C8B: variants seen among roughly 807,000 people sequenced by gnomAD.
C8B encodes the protein complement C8 beta chain.
Under a neutral mutation model 64.6 loss-of-function variants are expected in C8B, and 67 were observed. That is an observed-to-expected ratio of 1.04 (90% confidence interval 0.85 to 1.27). C8B has a LOEUF of 1.27. Among genes scored for constraint, C8B ranks in the 50% most tolerant of loss-of-function variants. C8B has a pLI of 0.00. For missense variants in C8B, 790 were observed against 725.2 expected (o/e 1.09, Z -1.03); for synonymous variants, 284 against 257.7 (o/e 1.10, Z -0.98).
intron 9 of C8B, among the ~76,000 whole-genome samples, chr1:56,940,639 C>T (rs1420417911): frequency 2.0e-5 from 3 of 151,968 alleles, no homozygotes; most frequent in East Asian, 1.9e-4. Context: ...AACTTGGGGC[C>T]CAAGTGAGAG....
At chr1:56,932,051 C>G (rs1044749963) in intron 10 of C8B, among the ~76,000 whole-genome samples, 173 bp from the exon 11 acceptor site, 1 of 152,120 alleles carries the variant, frequency 6.6e-6, no homozygotes, top group Non-Finnish European at 1.5e-5. Flanking sequence ...TTCCTGAGGG[C>G]CTTTGCCACG....
chr1:56,963,548 G>A (rs1645208364), intron 1 of C8B, among the ~76,000 whole-genome samples: 1 of 140,558 alleles, frequency 7.1e-6, no homozygotes, highest in African/African-American at 2.6e-5. Flanking sequence ...ACAGCACAGA[G>A]GCCAACAAGT....
At chr1:56,959,471 G>T (rs114828378) in intron 2 of C8B, 1 of 1,029,524 alleles carries the variant, frequency 9.7e-7, no homozygotes, top group African/African-American at 1.6e-5. Context: ...TCCTGAGTAG[G>T]AGTTTCAAAT....
intron 7 of C8B, among the ~76,000 whole-genome samples, chr1:56,944,476 G>A (rs775908961): frequency 6.6e-6 from 1 of 152,164 alleles, no homozygotes; most frequent in Non-Finnish European, 1.5e-5. Context: ...GTCTAGAAAT[G>A]TTGGTATAGA....
At chr1:56,960,274 A>C in intron 1 of C8B, 98 bp from the exon 2 acceptor site, 1 of 1,144,776 alleles carries the variant, frequency 8.7e-7, no homozygotes, top group Admixed American at 1.7e-5. Flanking sequence ...ATATTTGCTC[A>C]CTTGTGCAAG....
At chr1:56,951,779 G>A (rs1308578478) in intron 5 of C8B, among the ~76,000 whole-genome samples, 1 of 152,166 alleles carries the variant, frequency 6.6e-6, no homozygotes, top group Non-Finnish European at 1.5e-5. Flanking sequence ...AAGTCAGTGT[G>A]ACTCCAAATC....
At chr1:56,940,468 G>A (rs936055555) in intron 9 of C8B, among the ~76,000 whole-genome samples, 5 of 151,980 alleles carry the variant, frequency 3.3e-5, no homozygotes, top group African/African-American at 1.2e-4. Context: ...TACTTAGGAG[G>A]TTGAGGCAGG....
intron 9 of C8B, among the ~76,000 whole-genome samples, chr1:56,936,310 C>T (rs1344828725): frequency 1.3e-5 from 2 of 152,266 alleles, no homozygotes; most frequent in East Asian, 1.9e-4. Context: ...CAGTCAATGT[C>T]ATTGAGTATT....
Position 56,949,790 on chromosome 1 carries a change from G to C in C8B, c.667-38C>G, listed in dbSNP as rs1451940540. Reference sequence around the variant, plus strand: ...AAAGAAAGGGTTTTTTATTTCATTTGACTCAAATCAGTTCAATACCAGTGA... The same window carrying C: ...AAAGAAAGGGTTTTTTATTTCATTTCACTCAAATCAGTTCAATACCAGTGA... On this transcript the variant is annotated intron_variant, in intron 5 of 11. Transcript: ENST00000371237. 2.1e-6 allele frequency: 3 copies of C among 1,455,588 alleles called. No individual in the cohort carries two copies. In the East Asian group the frequency reaches 7.0e-5, roughly 34 times the overall value. The allele number at this position is 1,455,588 out of a possible 1,614,324, so 90.2% of individuals were successfully genotyped here. A position where few individuals can be genotyped will look rare whatever the true frequency, so the allele number is the denominator to read the frequency against.
chr1:56,963,512 C>T (rs1388360394), intron 1 of C8B, among the ~76,000 whole-genome samples: 2 of 131,398 alleles, frequency 1.5e-5, no homozygotes, highest in Non-Finnish European at 3.1e-5. Flanking sequence ...CTCAAGGCAA[C>T]AAATGTGTGG....
intron 5 of C8B, among the ~76,000 whole-genome samples, chr1:56,951,810 C>T (rs1388982930): frequency 6.6e-6 from 1 of 152,212 alleles, no homozygotes; most frequent in Non-Finnish European, 1.5e-5. Flanking sequence ...TTTCTATCTT[C>T]AAGGTAGCTT....
chr1:56,962,809 A>C (rs1279289907), intron 1 of C8B, among the ~76,000 whole-genome samples: 2 of 152,172 alleles, frequency 1.3e-5, no homozygotes, highest in Non-Finnish European at 2.9e-5. Context: ...CTTTTAGATA[A>C]TTTGATGTCT....
chr1:56,951,528 G>C (rs555248130), intron 5 of C8B, among the ~76,000 whole-genome samples: 12 of 152,294 alleles, frequency 7.9e-5, no homozygotes, highest in Middle Eastern at 3.4e-3. Flanking sequence ...TTCATAAAAT[G>C]CTTAGAGTAA....
In C8B at chr1:56,956,827, AAC is replaced by A. The variant is rs1225626918; in HGVS notation, c.331_332del (p.Val111TyrfsTer12). On this transcript the variant is annotated frameshift_variant, in exon 3 of 12. Transcript: ENST00000371237. LOFTEE classifies it high-confidence loss of function. The part of the protein sequence containing the change: ...NFSDKEVEDC[V>X]TNRPCGSQVR... Reference sequence around the variant, plus strand: ...CTTGACTTCCGCATGGTCTGTTGGTAACACAGTCTTCGACTTCCTTGTCAGAG... The same window carrying A: ...CTTGACTTCCGCATGGTCTGTTGGTAACAGTCTTCGACTTCCTTGTCAGAG... The A allele has an allele frequency of 3.1e-6, 5 of 1,614,014 alleles. No individual in the cohort carries two copies. Among genetic ancestry groups the A allele is most frequent in the Non-Finnish European group, 4.2e-6 (5 of 1,180,012 alleles).
intron 9 of C8B, among the ~76,000 whole-genome samples, chr1:56,935,326 T>A (rs772256612): frequency 6.6e-6 from 1 of 152,206 alleles, no homozygotes; most frequent in Non-Finnish European, 1.5e-5. Context: ...GTTCTTTGAT[T>A]TGCTGCTCAT....
At chr1:56,936,709 C>T (rs2101371343) in intron 9 of C8B, among the ~76,000 whole-genome samples, 1 of 152,100 alleles carries the variant, frequency 6.6e-6, no homozygotes, top group East Asian at 1.9e-4. Flanking sequence ...ATTCTCCTGC[C>T]TCAGCCTCCC....
chr1:56,958,522 G>T (rs1645133461), intron 2 of C8B, among the ~76,000 whole-genome samples: 1 of 152,070 alleles, frequency 6.6e-6, no homozygotes, highest in African/African-American at 2.4e-5. Context: ...AAAGCTCCAG[G>T]CTCCAAAGGC....
At chr1:56,963,266 C>T (rs1304570478) in intron 1 of C8B, among the ~76,000 whole-genome samples, 1 of 152,108 alleles carries the variant, frequency 6.6e-6, no homozygotes, top group African/African-American at 2.4e-5. Flanking sequence ...ATTGGGTCAG[C>T]AGTAAATTGC....
intron 9 of C8B, among the ~76,000 whole-genome samples, chr1:56,938,911 G>C (rs933213072): frequency 2.6e-5 from 4 of 151,832 alleles, no homozygotes; most frequent in African/African-American, 9.7e-5. Flanking sequence ...ATGCATGTGA[G>C]AGTGGGATGC....
Sources: allele counts gnomAD v4.1 joint callset (sites outside exome capture counted in the v4.1 genomes callset), GRCh38; gene constraint gnomAD v4.1.1; transcripts MANE v1.5; gene names NCBI Gene and HGNC (gene_info 2026-07-23, HGNC 2026-07-21).